TSPAN10: variants seen among roughly 807,000 people sequenced by gnomAD.
TSPAN10 encodes the protein tetraspanin-10.
A neutral mutation model predicts 15.0 loss-of-function variants in TSPAN10; 11 were observed. The ratio of observed to expected loss-of-function variants is 0.73; its 90% CI spans 0.46 to 1.21. The LOEUF (loss-of-function observed/expected upper bound fraction) is 1.21, where lower values mean the gene tolerates loss of function less well. Among genes scored for constraint, TSPAN10 ranks in the 50% most tolerant of loss-of-function variants. The probability of loss-of-function intolerance (pLI) is 0.00; values close to 1 mark genes in which losing one functional copy is unlikely to be tolerated. For missense variants in TSPAN10, 486 were observed against 470.6 expected (o/e 1.03, Z -0.30); for synonymous variants, 241 against 226.2 (o/e 1.07, Z -0.59).
chr17:81,640,387 A>ACG (rs2036167818), upstream of TSPAN10, among the ~76,000 whole-genome samples: 1 of 152,018 alleles, frequency 6.6e-6, no homozygotes, highest in East Asian at 1.9e-4. Flanking sequence ...GTGTCTCTCC[A>ACG]TGTGTCCCAC....
chr17:81,642,946 G>A (rs2036193448), intron 1 of TSPAN10, among the ~76,000 whole-genome samples: 1 of 151,448 alleles, frequency 6.6e-6, no homozygotes. Flanking sequence ...GAGCCCAGGA[G>A]TTCAAGACCA....
At chr17:81,642,278 TC>T, upstream of TSPAN10, 1 of 956,120 alleles carries the variant, frequency 1.0e-6, no homozygotes, top group South Asian at 1.4e-5. Context: ...CCTCCCCCAT[TC>T]CCATGCCCAG....
upstream of TSPAN10, among the ~76,000 whole-genome samples, chr17:81,639,657 G>A (rs1208152473): frequency 6.7e-6 from 1 of 150,326 alleles, no homozygotes; most frequent in Non-Finnish European, 1.5e-5. Context: ...CAGCGCGGTG[G>A]CTCACGCCTG....
At chr17:81,637,776 A>G (rs570394176), upstream of TSPAN10, 1 of 164,996 alleles carries the variant, frequency 6.1e-6, no homozygotes, top group Admixed American at 6.4e-5. Context: ...TCTACTAAAA[A>G]TACAAAAATT....
chr17:81,648,325 C>T (rs1227488443), downstream of TSPAN10: 17 of 1,202,396 alleles, frequency 1.4e-5, no homozygotes, highest in Non-Finnish European at 1.7e-5. Flanking sequence ...GACCGCCACG[C>T]ACAGGGATAC....
chr17:81,644,844 C>T (rs1316895348), intron 1 of TSPAN10, 148 bp from the exon 3 acceptor site: 17 of 1,165,354 alleles, frequency 1.5e-5, no homozygotes, highest in African/African-American at 6.4e-5. Context: ...CCTGGCTGTC[C>T]GCATCTCTGA....
upstream of TSPAN10, among the ~76,000 whole-genome samples, chr17:81,639,377 T>G (rs557399467): frequency 7.9e-5 from 12 of 151,842 alleles, no homozygotes; most frequent in African/African-American, 2.7e-4. Context: ...CCGGCTAATT[T>G]TTATATCTTT....
exon 2 of TSPAN10, chr17:81,645,540 C>T (rs757083390): frequency 1.1e-5 from 17 of 1,604,890 alleles, no homozygotes; most frequent in East Asian, 9.0e-5. Context: ...ACTACCAGGA[C>T]GACCCAGACC....
exon 3 of TSPAN10, chr17:81,648,255 C>G: frequency 8.2e-7 from 1 of 1,216,670 alleles, no homozygotes; most frequent in South Asian, 4.0e-5. Flanking sequence ...AGAGCCCCAG[C>G]CCCGGCGCCC....
exon 2 of TSPAN10, chr17:81,645,393 C>T (rs778698398): frequency 7.5e-6 from 12 of 1,602,186 alleles, no homozygotes; most frequent in Non-Finnish European, 9.4e-6. Context: ...TCTGTGAGAA[C>T]ACCTGCCTGT....
exon 2 of TSPAN10, chr17:81,645,228 G>T: frequency 6.5e-7 from 1 of 1,540,396 alleles, no homozygotes; most frequent in Non-Finnish European, 8.7e-7. Context: ...CCCTGCTGGG[G>T]CTGCTGGCCC....
At chr17:81,637,620 G>A (rs934198325), upstream of TSPAN10, 3 of 498,998 alleles carry the variant, frequency 6.0e-6, no homozygotes, top group African/African-American at 4.0e-5. Flanking sequence ...CCAAAATGGT[G>A]AAACCCCGTC....
intron 1 of TSPAN10, among the ~76,000 whole-genome samples, chr17:81,644,373 C>T (rs1401741871): frequency 1.2e-4 from 5 of 42,576 alleles, no homozygotes; most frequent in African/African-American, 1.7e-4. Flanking sequence ...GTCCTGTCCT[C>T]GGCAGCAGGG....
Position 81,643,394 on chromosome 17 carries a change from G to A in TSPAN10, c.36+946G>A, listed in dbSNP as rs1318336024. Among the ~76,000 whole-genome samples the A allele has an allele frequency of 5.1e-5, 5 of 97,306 alleles. 1 individual carries two copies. Among genetic ancestry groups the A allele is most frequent in the Non-Finnish European group, 5.6e-5 (3 of 53,330 alleles). The allele number at this position is 97,306 out of a possible 152,430, so 63.8% of individuals were successfully genotyped here. ...TGGGAGGCCGAGGCGGGCGGATCACGAGGTTAGGAGATCGAGACCATCCCG... is the reference window on the plus strand; with the variant it reads ...TGGGAGGCCGAGGCGGGCGGATCACAAGGTTAGGAGATCGAGACCATCCCG... On this transcript the variant is annotated intron_variant, in intron 1 of 2. Coordinates refer to ENST00000611590, the Ensembl canonical transcript of TSPAN10.
At chr17:81,645,210 C>G (rs1481987246) in exon 2 of TSPAN10, 3 of 1,543,616 alleles carry the variant, frequency 1.9e-6, no homozygotes, top group Middle Eastern at 1.7e-4. Flanking sequence ...TCTCCAACTT[C>G]CCCTTCTCCC....
upstream of TSPAN10, chr17:81,642,304 C>G: frequency 7.4e-7 from 1 of 1,356,022 alleles, no homozygotes. Context: ...GCACTGTTCA[C>G]AGACTAGCCC....
At chr17:81,647,920 C>T (rs1057251337) in exon 3 of TSPAN10, 1 of 1,606,152 alleles carries the variant, frequency 6.2e-7, no homozygotes, top group Non-Finnish European at 8.5e-7. Context: ...CTGCAGCTCC[C>T]CCGGGGTGCA....
At chr17:81,648,372 C>T, downstream of TSPAN10, 1 of 1,111,948 alleles carries the variant, frequency 9.0e-7, no homozygotes, top group African/African-American at 1.6e-5. Flanking sequence ...GCGCGGCCTG[C>T]GCCGCCGCCG....
At chr17:81,641,367 C>A (rs923994148), upstream of TSPAN10, among the ~76,000 whole-genome samples, 4 of 152,048 alleles carry the variant, frequency 2.6e-5, no homozygotes, top group African/African-American at 9.7e-5. Context: ...TGCAGCATAT[C>A]CCACTTCTCC....
Sources: gnomAD v4.1 joint callset for allele counts (sites outside exome capture counted in the v4.1 genomes callset) on GRCh38, gnomAD v4.1.1 for gene constraint, MANE v1.5 for transcripts, NCBI Gene and HGNC (gene_info 2026-07-23, HGNC 2026-07-21) for gene names.